The following HDAC9 variants were observed in gnomAD, a reference collection of about 807,000 sequenced individuals.
HDAC9 encodes the protein MEF-2 interacting transcription repressor (MITR) protein.
Under a neutral mutation model 139.4 loss-of-function variants are expected in HDAC9, and 41 were observed. The observed-to-expected ratio is 0.29, with a 90% CI of 0.23 to 0.38. The LOEUF (loss-of-function observed/expected upper bound fraction) is 0.38, where lower values mean the gene tolerates loss of function less well. Among genes scored for constraint, HDAC9 ranks in the 10% least tolerant of loss-of-function variants. The pLI is 1.00. For missense variants in HDAC9, 1,147 were observed against 1,297.0 expected, an observed-to-expected ratio of 0.88 and a Z score of 1.78; for synonymous variants, 517 against 476.2, an observed-to-expected ratio of 1.09 and a Z score of -1.12.
chr7:18,660,899 C>G (rs1201699518), intron 11 of HDAC9, among the ~76,000 whole-genome samples: 1 of 152,050 alleles, frequency 6.6e-6, no homozygotes, highest in Non-Finnish European at 1.5e-5. Flanking sequence ...GTCTATGGAC[C>G]ATGGTAGGAG....
At chr7:18,433,542 T>C (rs925757595) in intron 1 of HDAC9, among the ~76,000 whole-genome samples, 3 of 152,198 alleles carry the variant, frequency 2.0e-5, no homozygotes, top group Non-Finnish European at 2.9e-5. Context: ...CAAAAGCTCC[T>C]AGATCTGATA....
chr7:18,472,213 T>C lies in HDAC9; in HGVS notation c.-41-24049T>C, dbSNP rs139410024. Among the ~76,000 whole-genome samples, 78 of 152,290 alleles carry C rather than the reference T, an allele frequency of 5.1e-4. 1 individual carries two copies. In the East Asian group the frequency reaches 0.014, roughly 28 times the overall value. On this transcript the variant is annotated intron_variant, in intron 1 of 3. Coordinates refer to the HDAC9 transcript ENST00000413509. ...ATCCCTCTCTACTTCCAAGAAAAGATTGTTAATTCCAGATTTAAAATCAAA... is the reference window on the plus strand; with the variant it reads ...ATCCCTCTCTACTTCCAAGAAAAGACTGTTAATTCCAGATTTAAAATCAAA...
chr7:18,214,479 A>G (rs893221376), intron 2 of HDAC9, among the ~76,000 whole-genome samples: 2 of 152,054 alleles, frequency 1.3e-5, no homozygotes, highest in Non-Finnish European at 2.9e-5. Context: ...CTCTCATCCC[A>G]CCTTGTTAGA....
chr7:18,554,086 A>G (rs985855876), intron 2 of HDAC9, among the ~76,000 whole-genome samples: 12 of 152,194 alleles, frequency 7.9e-5, no homozygotes, highest in African/African-American at 2.9e-4. Flanking sequence ...ACAGTAAAAA[A>G]TAAGTCCATA....
At chr7:18,900,022 TA>T (rs958027701) in intron 22 of HDAC9, among the ~76,000 whole-genome samples, 2 of 150,966 alleles carry the variant, frequency 1.3e-5, no homozygotes, top group East Asian at 1.9e-4. Context: ...TTCTCTAATT[TA>T]AAAAAAAATG....
chr7:18,808,915 C>T (rs887180541), intron 17 of HDAC9, among the ~76,000 whole-genome samples: 2 of 151,938 alleles, frequency 1.3e-5, no homozygotes, highest in Non-Finnish European at 2.9e-5. Context: ...AAGATGAAGA[C>T]ATCACACTTC....
intron 2 of HDAC9, among the ~76,000 whole-genome samples, chr7:18,556,557 T>G (rs1818873538): frequency 6.6e-6 from 1 of 152,084 alleles, no homozygotes; most frequent in African/African-American, 2.4e-5. Flanking sequence ...TATTGAATTT[T>G]CAGATGTTCT....
chr7:18,206,699 C>T (rs532878792), intron 2 of HDAC9, among the ~76,000 whole-genome samples: 2 of 152,112 alleles, frequency 1.3e-5, no homozygotes, highest in South Asian at 4.1e-4. Flanking sequence ...ACACACAGGG[C>T]CATTGACTTA....
intron 1 of HDAC9, among the ~76,000 whole-genome samples, chr7:18,403,347 A>C (rs1787715667): frequency 6.6e-6 from 1 of 152,198 alleles, no homozygotes; most frequent in South Asian, 2.1e-4. Context: ...GATTTGATCA[A>C]TACTAATTTA....
At chr7:18,441,810 T>C (rs769914434) in intron 1 of HDAC9, among the ~76,000 whole-genome samples, 25 of 152,318 alleles carry the variant, frequency 1.6e-4, no homozygotes, top group African/African-American at 2.4e-4. Flanking sequence ...ACTCTGTCGC[T>C]CAGGCTGGAG....
At chr7:18,392,115 G>A (rs751190031) in intron 1 of HDAC9, among the ~76,000 whole-genome samples, 4 of 152,088 alleles carry the variant, frequency 2.6e-5, no homozygotes, top group South Asian at 2.1e-4. Flanking sequence ...TCTCATTCTA[G>A]AATGACCATT....
chr7:18,921,309 G>T (rs1585314346), intron 22 of HDAC9, among the ~76,000 whole-genome samples: 2 of 152,132 alleles, frequency 1.3e-5, no homozygotes, highest in Admixed American at 6.5e-5. Flanking sequence ...TACAGAATGG[G>T]AGAAAATTTT....
intron 1 of HDAC9, among the ~76,000 whole-genome samples, chr7:18,452,175 T>C (rs1400582662): frequency 6.6e-6 from 1 of 152,144 alleles, no homozygotes; most frequent in Non-Finnish European, 1.5e-5. Flanking sequence ...CAAAGTGACC[T>C]GAATCCTAGG....
rs201245791 is a variant in HDAC9, at chr7:18,771,534, GAT to G, written c.2214+4382_2214+4383del. Among the ~76,000 whole-genome samples, 1,445 of 147,612 alleles carry G rather than the reference GAT, an allele frequency of 9.8e-3. 15 individuals carry two copies. Among genetic ancestry groups the G allele is most frequent in the Non-Finnish European group, 0.016 (1,111 of 67,424 alleles). On this transcript the variant is annotated intron_variant, in intron 16 of 25. Coordinates refer to ENST00000686413, the MANE Select transcript of HDAC9 (RefSeq NM_178425.4). ...CTCCCCTCTTATTTATAAATTTACA[GAT>G]ATGTGTGTGTGTGTGTGTGTGTGTG...
At chr7:18,858,761 A>G (rs1797876074) in intron 21 of HDAC9, among the ~76,000 whole-genome samples, 1 of 152,178 alleles carries the variant, frequency 6.6e-6, no homozygotes, top group Admixed American at 6.5e-5. Flanking sequence ...TGGAGTGAAC[A>G]TTGCAGTTGG....
At chr7:18,388,761 A>G (rs1412726890) in intron 1 of HDAC9, among the ~76,000 whole-genome samples, 1 of 152,152 alleles carries the variant, frequency 6.6e-6, no homozygotes, top group African/African-American at 2.4e-5. Flanking sequence ...TAGCTACAAT[A>G]CTATTTTTGT....
rs190585510 is a variant in HDAC9, at chr7:18,447,473, A to C, written c.-41-48789A>C. On this transcript the variant is annotated intron_variant, in intron 1 of 3. Transcript: ENST00000413509. Reference sequence around the variant, plus strand: ...AGTTTTATTATATTGTTGTGGAGCCATTTGTATTGTTAGCCCATGTAGAGG... The same window carrying C: ...AGTTTTATTATATTGTTGTGGAGCCCTTTGTATTGTTAGCCCATGTAGAGG... Among the ~76,000 whole-genome samples, 295 of 152,298 alleles carry C rather than the reference A, an allele frequency of 1.9e-3. 3 individuals are homozygous for C. The highest frequency in any genetic ancestry group is 0.016 in the Admixed American group (239 of 15,288).
chr7:18,917,010 A>C (rs1271030422), intron 22 of HDAC9, among the ~76,000 whole-genome samples: 2 of 152,008 alleles, frequency 1.3e-5, no homozygotes, highest in Admixed American at 1.3e-4. Flanking sequence ...TTGATGTTAG[A>C]ATACATTCTG....
chr7:18,218,358 C>G (rs1363649730), intron 2 of HDAC9, among the ~76,000 whole-genome samples: 1 of 152,062 alleles, frequency 6.6e-6, no homozygotes, highest in Admixed American at 6.6e-5. Context: ...GCATAAGAAC[C>G]ACTTGAACCT....
Sources: gnomAD v4.1 joint callset for allele counts (sites outside exome capture counted in the v4.1 genomes callset) on GRCh38, gnomAD v4.1.1 for gene constraint, MANE v1.5 for transcripts, NCBI Gene and HGNC (gene_info 2026-07-23, HGNC 2026-07-21) for gene names.